Variants in FLRT1 observed in about 807,000 individuals in gnomAD.
FLRT1 encodes fibronectin leucine rich transmembrane protein 1, also known as leucine-rich repeat transmembrane protein FLRT1.
In FLRT1, 14 loss-of-function variants were observed where a neutral mutation model predicts 30.9. The observed-to-expected ratio is 0.45, with a 90% CI of 0.30 to 0.71. The LOEUF is 0.71. FLRT1 is among the 30% of genes least tolerant of loss of function. FLRT1 has a pLI of 0.08. For missense variants in FLRT1, 737 were observed against 949.2 expected (o/e 0.78, Z 2.94); for synonymous variants, 368 against 430.4 (o/e 0.85, Z 1.80).
At chr11:64,063,610 A>G (rs962344909) in intron 1 of FLRT1, among the ~76,000 whole-genome samples, 1 of 152,172 alleles carries the variant, frequency 6.6e-6, no homozygotes, top group African/African-American at 2.4e-5. Context: ...AAGCTCACGT[A>G]GGAATGAAAC....
At position 64,090,273 on chromosome 11, in the gene FLRT1, C is replaced by T. The variant is rs1010539618; in HGVS notation, c.-1037-12921C>T. Among the ~76,000 whole-genome samples, 2 of 152,210 alleles carry T rather than the reference C, an allele frequency of 1.3e-5. No homozygotes were observed. The highest frequency in any genetic ancestry group is 2.9e-5 in the Non-Finnish European group (2 of 68,042). Reference sequence around the variant, plus strand: ...AGCCTTTGCTCATCCTCGGGAAATGCATCGTGCGTTGCTTTTCCCGTCTGG... The same window carrying T: ...AGCCTTTGCTCATCCTCGGGAAATGTATCGTGCGTTGCTTTTCCCGTCTGG... On this transcript the variant is annotated intron_variant, in intron 1 of 2. Coordinates refer to ENST00000682287, the MANE Select transcript of FLRT1 (RefSeq NM_013280.5). This position sits in a 1 kb window ranked among gnomAD's most constrained non-coding sequence, Gnocchi z 4.7.
At chr11:64,058,005 C>G (rs1017096402) in intron 1 of FLRT1, among the ~76,000 whole-genome samples, 1 of 152,250 alleles carries the variant, frequency 6.6e-6, no homozygotes, top group East Asian at 1.9e-4. Context: ...CCTGGGACAG[C>G]TGGCCTGCCA....
At chr11:64,057,938 C>T (rs537056534) in intron 1 of FLRT1, among the ~76,000 whole-genome samples, 1 of 152,338 alleles carries the variant, frequency 6.6e-6, no homozygotes, top group East Asian at 1.9e-4. Context: ...TTCCACTGTG[C>T]CACCCCTGGG....
intron 1 of FLRT1, among the ~76,000 whole-genome samples, chr11:64,073,458 C>T (rs936331414): frequency 6.6e-6 from 1 of 152,242 alleles, no homozygotes; most frequent in Non-Finnish European, 1.5e-5. Context: ...TTAGTTTGGG[C>T]ACCTGTCAGG....
intron 1 of FLRT1, among the ~76,000 whole-genome samples, chr11:64,065,168 G>T (rs538148325): frequency 6.6e-6 from 1 of 152,318 alleles, no homozygotes; most frequent in East Asian, 1.9e-4. Flanking sequence ...CCCAGGGAAC[G>T]GGTGCAGGAC....
At chr11:64,072,929 C>T (rs1944135335) in intron 1 of FLRT1, among the ~76,000 whole-genome samples, 2 of 152,282 alleles carry the variant, frequency 1.3e-5, no homozygotes, top group South Asian at 4.1e-4. Context: ...CTCAAGGTGA[C>T]CTTCCCCAAA....
At chr11:64,038,127 A>G (rs564647) in intron 1 of FLRT1, among the ~76,000 whole-genome samples, 105,602 of 152,022 alleles carry the variant, frequency 0.69, 38,430 homozygotes, top group African/African-American at 0.89. Flanking sequence ...GCCTCCCATG[A>G]AAGCCCCTGG....
rs71045724 is a variant in FLRT1, at chr11:64,041,199, T to TAAAAAAAAAAAAAAAAAAAAAA, written c.-1038+5049_-1038+5070dup. On this transcript the variant is annotated intron_variant, in intron 1 of 2. Transcript: ENST00000682287. ...AGATTACAACAGATTTAGCAAACTG[T>TAAAAAAAAAAAAAAAAAAAAAA]AAAAAAAAAAAAAAAAAAAAAAAAA... 1.4e-4 allele frequency among the ~76,000 whole-genome samples: 3 copies of TAAAAAAAAAAAAAAAAAAAAAA among 21,600 alleles called. 1 individual carries two copies. The highest frequency in any genetic ancestry group is 4.8e-4 in the African/African-American group (3 of 6,202). The allele number at this position is 21,600 out of a possible 152,430, so 14.2% of individuals were successfully genotyped here.
chr11:64,070,980 G>A (rs34445666), intron 1 of FLRT1, among the ~76,000 whole-genome samples: 18,540 of 152,116 alleles, frequency 0.12, 1,497 homozygotes, highest in Non-Finnish European at 0.17. Context: ...GCTCTGAAGG[G>A]TTTGACTATT....
intron 2 of FLRT1, among the ~76,000 whole-genome samples, chr11:64,106,080 G>A (rs1023700666): frequency 5.9e-5 from 9 of 152,168 alleles, no homozygotes; most frequent in African/African-American, 2.2e-4. Flanking sequence ...CATATCAGTG[G>A]GGGTGAGGAG....
At chr11:64,037,124 T>TA (rs1943396933) in intron 1 of FLRT1, among the ~76,000 whole-genome samples, 1 of 151,966 alleles carries the variant, frequency 6.6e-6, no homozygotes, top group Non-Finnish European at 1.5e-5. Flanking sequence ...TGTGAATAAA[T>TA]ACAGCCAAGG....
chr11:64,087,085 A>G (rs1272536668), intron 1 of FLRT1: 3 of 152,204 alleles, frequency 2.0e-5, no homozygotes, highest in Non-Finnish European at 4.4e-5. Flanking sequence ...GCAAAGCACA[A>G]TTAACATCCC....
chr11:64,104,726 G>T (rs1944728788), intron 2 of FLRT1, among the ~76,000 whole-genome samples: 1 of 152,154 alleles, frequency 6.6e-6, no homozygotes, highest in Non-Finnish European at 1.5e-5. Context: ...TTGGCCCTTG[G>T]GCACCATCTG....
intron 1 of FLRT1, among the ~76,000 whole-genome samples, chr11:64,091,567 G>C (rs7946301): frequency 2.6e-5 from 4 of 151,978 alleles, no homozygotes; most frequent in Non-Finnish European, 4.4e-5. Flanking sequence ...CCAGTCCTTC[G>C]GGCGTTTGCA....
intron 2 of FLRT1, among the ~76,000 whole-genome samples, chr11:64,110,760 C>T (rs1053686585): frequency 1.3e-5 from 2 of 152,198 alleles, no homozygotes; most frequent in African/African-American, 4.8e-5. Flanking sequence ...CAAGCGATCC[C>T]ATAAAAGATG....
At chr11:64,038,490 C>A (rs572976167) in intron 1 of FLRT1, among the ~76,000 whole-genome samples, 1 of 152,270 alleles carries the variant, frequency 6.6e-6, no homozygotes, top group Admixed American at 6.5e-5. Flanking sequence ...TGTTGAGGGA[C>A]GGAGAGGTGG....
At chr11:64,038,362 C>T (rs117127397) in intron 1 of FLRT1, among the ~76,000 whole-genome samples, 432 of 152,330 alleles carry the variant, frequency 2.8e-3, no homozygotes, top group Non-Finnish European at 5.0e-3. Context: ...GAGAGGATGT[C>T]TGGGTGTTCT....
At chr11:64,078,317 C>G (rs550034572) in intron 1 of FLRT1, among the ~76,000 whole-genome samples, 1 of 152,342 alleles carries the variant, frequency 6.6e-6, no homozygotes, top group South Asian at 2.1e-4. Context: ...GCCTGGACCC[C>G]TGCCTGCAGG....
At chr11:64,065,540 A>G (rs1943983829) in intron 1 of FLRT1, among the ~76,000 whole-genome samples, 1 of 152,208 alleles carries the variant, frequency 6.6e-6, no homozygotes, top group Non-Finnish European at 1.5e-5. Flanking sequence ...CTGTAATCCC[A>G]GCACTTTGGG....
Sources: gnomAD v4.1 joint callset for allele counts (sites outside exome capture counted in the v4.1 genomes callset) on GRCh38, gnomAD v4.1.1 for gene constraint, Gnocchi (gnomAD v3.1) non-coding constraint, MANE v1.5 for transcripts, NCBI Gene and HGNC (gene_info 2026-07-23, HGNC 2026-07-21) for gene names.